CNTN5: variants seen among roughly 807,000 people sequenced by gnomAD.
CNTN5 encodes the protein contactin-5.
Under a neutral mutation model 129.1 loss-of-function variants are expected in CNTN5, and 77 were observed. The observed-to-expected ratio is 0.60, with a 90% CI of 0.50 to 0.72. The LOEUF is 0.72. CNTN5 is among the 30% of genes least tolerant of loss of function. The pLI is 0.00. For synonymous variants in CNTN5, 509 were observed against 465.6 expected (o/e 1.09, Z -1.20); for missense variants, 1,478 against 1,328.8 (o/e 1.11, Z -1.75).
chr11:100,150,238 T>C (rs1195783947), intron 13 of CNTN5, among the ~76,000 whole-genome samples: 1 of 152,108 alleles, frequency 6.6e-6, no homozygotes, highest in East Asian at 1.9e-4. Context: ...CCATGTAATA[T>C]ATCAAGAATT....
chr11:99,583,543 C>G (rs973597856), intron 3 of CNTN5, among the ~76,000 whole-genome samples: 2 of 152,208 alleles, frequency 1.3e-5, no homozygotes, highest in African/African-American at 4.8e-5. Flanking sequence ...CCTCCCCCAG[C>G]CTCGCTGCCT....
intron 1 of CNTN5, among the ~76,000 whole-genome samples, chr11:99,166,157 A>G (rs1860855072): frequency 6.6e-6 from 1 of 152,130 alleles, no homozygotes; most frequent in Non-Finnish European, 1.5e-5. Flanking sequence ...TAATCCCAGC[A>G]CTTTGGGAGG....
intron 13 of CNTN5, among the ~76,000 whole-genome samples, chr11:100,149,105 A>T (rs2138297069): frequency 6.6e-6 from 1 of 152,296 alleles, no homozygotes; most frequent in Non-Finnish European, 1.5e-5. Flanking sequence ...TAAAGATGAC[A>T]ATTTGACATG....
At chr11:99,267,550 G>C (rs944907653) in intron 1 of CNTN5, among the ~76,000 whole-genome samples, 1 of 151,886 alleles carries the variant, frequency 6.6e-6, no homozygotes, top group East Asian at 1.9e-4. Context: ...TAGGAGCCTT[G>C]TTAGTTTAAT....
intron 13 of CNTN5, among the ~76,000 whole-genome samples, chr11:100,088,616 C>G (rs991342072): frequency 6.6e-6 from 1 of 152,052 alleles, no homozygotes; most frequent in Non-Finnish European, 1.5e-5. Context: ...CACCTCTATG[C>G]ACACAAATCA....
At chr11:99,454,114 G>T (rs2135205015) in intron 2 of CNTN5, among the ~76,000 whole-genome samples, 1 of 152,086 alleles carries the variant, frequency 6.6e-6, no homozygotes, top group East Asian at 1.9e-4. Flanking sequence ...TTGCCCCAAA[G>T]AAATGTCTGA....
intron 4 of CNTN5, among the ~76,000 whole-genome samples, chr11:99,838,266 G>T (rs975174507): frequency 6.6e-6 from 1 of 152,270 alleles, no homozygotes; most frequent in Non-Finnish European, 1.5e-5. Context: ...TGCCTGAAAT[G>T]AATCGTTCTT....
At chr11:100,243,178 A>T (rs1259470827) in intron 16 of CNTN5, among the ~76,000 whole-genome samples, 1 of 152,234 alleles carries the variant, frequency 6.6e-6, no homozygotes, top group East Asian at 1.9e-4. Context: ...CCCACAAGAA[A>T]CATGATCCAA....
chr11:100,051,630 GTTAAA>G (rs1289406235), intron 9 of CNTN5, among the ~76,000 whole-genome samples: 3 of 151,814 alleles, frequency 2.0e-5, no homozygotes, highest in South Asian at 2.1e-4. Flanking sequence ...GTAGATATCA[GTTAAA>G]TTAAAAATGG....
intron 2 of CNTN5, among the ~76,000 whole-genome samples, chr11:99,514,319 G>T (rs1946961249): frequency 6.6e-6 from 1 of 151,996 alleles, no homozygotes; most frequent in South Asian, 2.1e-4. Flanking sequence ...TGAACATTGT[G>T]GAAATGACAA....
intron 3 of CNTN5, among the ~76,000 whole-genome samples, chr11:99,749,086 G>A (rs1013098863): frequency 2.0e-5 from 3 of 151,062 alleles, no homozygotes; most frequent in Admixed American, 6.7e-5. Context: ...AGGCATGATG[G>A]TGATGTCAGA....
chr11:99,723,053 C>T (rs1393882156), intron 3 of CNTN5, among the ~76,000 whole-genome samples: 2 of 151,972 alleles, frequency 1.3e-5, no homozygotes, highest in African/African-American at 2.4e-5. Flanking sequence ...TATTTAGACT[C>T]CATGGGGATC....
Position 99,838,641 on chromosome 11 carries a change from A to C in CNTN5, c.278-6211A>C, listed in dbSNP as rs1437480798. Among the ~76,000 whole-genome samples, 5 of 152,292 alleles carry C rather than the reference A, an allele frequency of 3.3e-5. No homozygotes were observed. In the East Asian group the frequency reaches 9.7e-4, roughly 29 times the overall value. On this transcript the variant is annotated intron_variant, in intron 4 of 24. Transcript: ENST00000524871. Reference sequence around the variant, plus strand: ...CTCCATTCTCATTTGAAAACTTTACAAAGGGAGGATCCACTTAACAATTCA... The same window carrying C: ...CTCCATTCTCATTTGAAAACTTTACCAAGGGAGGATCCACTTAACAATTCA...
At chr11:99,103,027 A>C (rs1866814257) in intron 1 of CNTN5, among the ~76,000 whole-genome samples, 1 of 152,178 alleles carries the variant, frequency 6.6e-6, no homozygotes, top group African/African-American at 2.4e-5. Context: ...CATATCTCAC[A>C]TGCCAGCAGG....
intron 21 of CNTN5, among the ~76,000 whole-genome samples, chr11:100,333,157 C>G (rs1591521573): frequency 6.6e-6 from 1 of 152,008 alleles, no homozygotes; most frequent in African/African-American, 2.4e-5. Flanking sequence ...AGAATCAAAT[C>G]AAGAGCTCAA....
intron 13 of CNTN5, among the ~76,000 whole-genome samples, chr11:100,186,424 G>A (rs1317912284): frequency 6.6e-6 from 1 of 151,910 alleles, no homozygotes; most frequent in African/African-American, 2.4e-5. Flanking sequence ...TCCAGAAAAT[G>A]GCCCCGAAAT....
intron 3 of CNTN5, among the ~76,000 whole-genome samples, chr11:99,607,667 C>A (rs1348842715): frequency 8.6e-6 from 1 of 116,264 alleles, no homozygotes. Context: ...TATTGCGGCA[C>A]TATTCACAAT....
chr11:100,326,740 AT>A (rs1951795626), intron 21 of CNTN5, among the ~76,000 whole-genome samples: 1 of 152,210 alleles, frequency 6.6e-6, no homozygotes, highest in African/African-American at 2.4e-5. Flanking sequence ...TATATTAAAA[AT>A]TAAAATGATG....
chr11:99,724,845 A>G (rs1056941402), intron 3 of CNTN5, among the ~76,000 whole-genome samples: 1 of 152,202 alleles, frequency 6.6e-6, no homozygotes, highest in Non-Finnish European at 1.5e-5. Flanking sequence ...GTAGGTTACT[A>G]TACTACAAGC....
Sources: gnomAD v4.1 joint callset for allele counts (sites outside exome capture counted in the v4.1 genomes callset) on GRCh38, gnomAD v4.1.1 for gene constraint, MANE v1.5 for transcripts, NCBI Gene and HGNC (gene_info 2026-07-23, HGNC 2026-07-21) for gene names.